The following PIK3CB variants were observed in gnomAD, a reference collection of about 807,000 sequenced individuals.
PIK3CB encodes phosphatidylinositol 4,5-bisphosphate 3-kinase catalytic subunit beta isoform.
In PIK3CB, 39 loss-of-function variants were observed where a neutral mutation model predicts 136.8. The observed-to-expected ratio is 0.29, with a 90% CI of 0.22 to 0.37. PIK3CB has a LOEUF of 0.37. Ranked by LOEUF, PIK3CB falls within the 10% of genes least tolerant of loss-of-function variation. PIK3CB has a pLI of 1.00. For missense variants in PIK3CB, 868 were observed against 1,275.4 expected, an observed-to-expected ratio of 0.68 and a Z score of 4.87; for synonymous variants, 428 against 436.6, an observed-to-expected ratio of 0.98 and a Z score of 0.25.
chr3:138,785,807 G>A (rs2045975922), intron 2 of PIK3CB, among the ~76,000 whole-genome samples: 3 of 135,008 alleles, frequency 2.2e-5, no homozygotes, highest in African/African-American at 5.6e-5. Flanking sequence ...AAACACCCAA[G>A]AATGATCAAT....
chr3:138,682,999 A>G (rs532700984), intron 18 of PIK3CB, among the ~76,000 whole-genome samples: 154 of 152,320 alleles, frequency 1.0e-3, no homozygotes, highest in Non-Finnish European at 9.8e-4. Flanking sequence ...TCAAAATACA[A>G]AACTATGGCA....
chr3:138,717,722 T>C (rs2044642296), intron 8 of PIK3CB, among the ~76,000 whole-genome samples: 1 of 152,196 alleles, frequency 6.6e-6, no homozygotes, highest in South Asian at 2.1e-4. Flanking sequence ...CCAGTGTCTG[T>C]TGCTTCCTTC....
At chr3:138,681,868 T>C (rs1414028018) in intron 19 of PIK3CB, 99 bp downstream of exon 19, 1 of 679,114 alleles carries the variant, frequency 1.5e-6, no homozygotes, top group Non-Finnish European at 2.5e-6. Flanking sequence ...GAACAACAAC[T>C]AAAAATAAGA....
chr3:138,749,745 G>A (rs2045431462), intron 4 of PIK3CB, among the ~76,000 whole-genome samples: 1 of 152,100 alleles, frequency 6.6e-6, no homozygotes, highest in African/African-American at 2.4e-5. Context: ...GCTCAGTGTA[G>A]GTATACATCT....
intron 8 of PIK3CB, among the ~76,000 whole-genome samples, chr3:138,720,410 GT>G (rs889687982): frequency 1.3e-5 from 2 of 152,084 alleles, no homozygotes; most frequent in African/African-American, 2.4e-5. Context: ...TTCTCTAATA[GT>G]TTTGTCTGCC....
chr3:138,826,259 C>T (rs2108917635), intron 1 of PIK3CB: 2 of 1,582,468 alleles, frequency 1.3e-6, no homozygotes, highest in Non-Finnish European at 1.7e-6. Flanking sequence ...GTCATCAAAG[C>T]AGTGGACAAG....
chr3:138,759,058 C>T, intron 3 of PIK3CB, 115 bp downstream of exon 3: 1 of 630,810 alleles, frequency 1.6e-6, no homozygotes, highest in Non-Finnish European at 2.5e-6. Flanking sequence ...ATTACCATCA[C>T]TTCATTACTA....
chr3:138,781,977 T>C (rs955076919), intron 2 of PIK3CB, among the ~76,000 whole-genome samples: 2 of 152,358 alleles, frequency 1.3e-5, no homozygotes, highest in South Asian at 2.1e-4. Flanking sequence ...GTTACAAAAC[T>C]ATCAAGACAA....
At chr3:138,717,522 A>T (rs1185252018) in intron 8 of PIK3CB, among the ~76,000 whole-genome samples, 1 of 122,522 alleles carries the variant, frequency 8.2e-6, no homozygotes, top group South Asian at 3.3e-4. Flanking sequence ...GAAAATAGAA[A>T]TTTTTTGTGG....
intron 4 of PIK3CB, among the ~76,000 whole-genome samples, chr3:138,744,413 AAAAAAAAAAGG>A (rs2045309665): frequency 6.9e-6 from 1 of 145,656 alleles, no homozygotes; most frequent in Non-Finnish European, 1.5e-5. Flanking sequence ...AAAAAAAAAA[AAAAAAAAAAGG>A]AAGTGGATCA....
At chr3:138,825,678 C>A in intron 1 of PIK3CB, 1 of 651,058 alleles carries the variant, frequency 1.5e-6, no homozygotes, top group Non-Finnish European at 2.8e-6. Flanking sequence ...CTGACAAACC[C>A]TTGCATCTGT....
At chr3:138,693,778 CTA>C (rs1268463593) in intron 14 of PIK3CB, among the ~76,000 whole-genome samples, 7 of 150,952 alleles carry the variant, frequency 4.6e-5, no homozygotes, top group Non-Finnish European at 1.0e-4. Context: ...AATTCCATGT[CTA>C]TATTTTCATA....
chr3:138,664,222 C>T (rs575833393), intron 20 of PIK3CB, among the ~76,000 whole-genome samples, 193 bp from the exon 21 acceptor site: 12 of 152,042 alleles, frequency 7.9e-5, no homozygotes, highest in African/African-American at 2.7e-4. Context: ...GAGAGAGCTG[C>T]CTTCAAAGAC....
intron 2 of PIK3CB, among the ~76,000 whole-genome samples, chr3:138,775,715 G>C (rs1371301294): frequency 6.6e-6 from 1 of 152,100 alleles, no homozygotes; most frequent in Non-Finnish European, 1.5e-5. Context: ...GAGTTACATG[G>C]TTTGGAATAT....
intron 5 of PIK3CB, among the ~76,000 whole-genome samples, chr3:138,741,086 A>C (rs1430855115): frequency 6.6e-6 from 1 of 152,224 alleles, no homozygotes; most frequent in Non-Finnish European, 1.5e-5. Context: ...TGAACTTTAG[A>C]CTCAACGTAT....
In PIK3CB at chr3:138,742,630, G is replaced by A. The variant is rs1176091877; in HGVS notation, c.549C>T (p.Ser183=). The A allele has an allele frequency of 6.2e-7, 1 of 1,609,182 alleles. No homozygotes were observed. The highest frequency in any genetic ancestry group is 1.3e-5 in the African/African-American group (1 of 74,808). The change falls in exon 5 of 24, where the codon TCC becomes TCT. Residue 183 remains serine, a synonymous_variant. Coordinates refer to ENST00000674063, the MANE Select transcript of PIK3CB (RefSeq NM_006219.3). ...GTTTATCTTCTAAGTTTTCAGGGATGGATGGTTCATGCTCTGGTGGATATG... is the reference window on the plus strand; with the variant it reads ...GTTTATCTTCTAAGTTTTCAGGGATAGATGGTTCATGCTCTGGTGGATATG... ...KQTYPPEHEP[S]IPENLEDKLY...
intron 1 of PIK3CB, among the ~76,000 whole-genome samples, chr3:138,832,175 A>G (rs2108940790): frequency 6.6e-6 from 1 of 152,320 alleles, no homozygotes; most frequent in East Asian, 1.9e-4. Flanking sequence ...ACATTCACAA[A>G]GCAAGTTGAA....
At chr3:138,739,542 T>C (rs943259045) in intron 5 of PIK3CB, among the ~76,000 whole-genome samples, 2 of 151,082 alleles carry the variant, frequency 1.3e-5, no homozygotes, top group Admixed American at 1.3e-4. Flanking sequence ...CAGGTACGTA[T>C]GGACCAGGAA....
chr3:138,826,370 G>A (rs1258682481), intron 1 of PIK3CB: 1 of 1,542,464 alleles, frequency 6.5e-7, no homozygotes, highest in Admixed American at 1.7e-5. Context: ...TTAATCAGTG[G>A]TGGAAGAATA....
Sources: allele counts gnomAD v4.1 joint callset (sites outside exome capture counted in the v4.1 genomes callset), GRCh38; gene constraint gnomAD v4.1.1; transcripts MANE v1.5; gene names NCBI Gene and HGNC (gene_info 2026-07-23, HGNC 2026-07-21).